LCORL: variants seen among roughly 807,000 people sequenced by gnomAD.
LCORL encodes ligand-dependent nuclear receptor corepressor-like protein.
In LCORL, 41 loss-of-function variants were observed where a neutral mutation model predicts 141.8. The ratio of observed to expected loss-of-function variants is 0.29; its 90% CI spans 0.23 to 0.38. The LOEUF (loss-of-function observed/expected upper bound fraction) is 0.38, where lower values mean the gene tolerates loss of function less well. LCORL is among the 10% of genes least tolerant of loss of function. The pLI is 1.00. For synonymous variants in LCORL, 618 were observed against 694.1 expected, an observed-to-expected ratio of 0.89 and a Z score of 1.72; for missense variants, 1,759 against 2,035.0, an observed-to-expected ratio of 0.86 and a Z score of 2.61.
At chr4:17,982,554 T>C (rs1401694883) in intron 1 of LCORL, among the ~76,000 whole-genome samples, 1 of 152,242 alleles carries the variant, frequency 6.6e-6, no homozygotes, top group Non-Finnish European at 1.5e-5. Flanking sequence ...CATATACTTG[T>C]TGGCTGCATG....
rs142675592 is a variant in LCORL at position 17,959,634 on chromosome 4, G to A, written c.430+2269C>T. 6.6e-4 allele frequency among the ~76,000 whole-genome samples: 100 copies of A among 152,132 alleles called. 1 individual carries two copies. Among genetic ancestry groups the A allele is most frequent in the African/African-American group, 2.3e-3 (96 of 41,520 alleles). ...ATTAGCACCATCTCAAAAAGCATAAGTTGGGAAAGACAATAAATTAGTTAC... is the reference window on the plus strand; with the variant it reads ...ATTAGCACCATCTCAAAAAGCATAAATTGGGAAAGACAATAAATTAGTTAC... On this transcript the variant is annotated intron_variant, in intron 4 of 7. Transcript: ENST00000635767.
intron 1 of LCORL, among the ~76,000 whole-genome samples, chr4:17,988,123 A>C (rs1719327127): frequency 2.6e-5 from 4 of 152,176 alleles, no homozygotes; most frequent in Admixed American, 2.6e-4. Flanking sequence ...GTTTCTCTGC[A>C]CTACCTCTCT....
chr4:17,943,579 T>C (rs549057660), intron 4 of LCORL, among the ~76,000 whole-genome samples: 1 of 152,254 alleles, frequency 6.6e-6, no homozygotes, highest in South Asian at 2.1e-4. Context: ...ACATTGCTTA[T>C]GTTGCTTTCA....
At chr4:17,853,903 T>A (rs1406473059) in intron 7 of LCORL, among the ~76,000 whole-genome samples, 1 of 152,052 alleles carries the variant, frequency 6.6e-6, no homozygotes, top group African/African-American at 2.4e-5. Context: ...TTAAAAAAAG[T>A]GATGGTATCT....
intron 4 of LCORL, chr4:17,911,975 C>T (rs1450147902): frequency 8.1e-6 from 5 of 619,996 alleles, no homozygotes; most frequent in Non-Finnish European, 1.5e-5. Flanking sequence ...TGCTTGGCCT[C>T]CTACCTGGAC....
At chr4:17,983,978 G>A (rs1260955744) in intron 1 of LCORL, among the ~76,000 whole-genome samples, 1 of 152,084 alleles carries the variant, frequency 6.6e-6, no homozygotes, top group African/African-American at 2.4e-5. Flanking sequence ...TTAGCATGAA[G>A]GGAAACTGAA....
intron 7 of LCORL, among the ~76,000 whole-genome samples, chr4:17,868,094 T>C (rs969969536): frequency 1.3e-5 from 2 of 152,184 alleles, no homozygotes; most frequent in Non-Finnish European, 2.9e-5. Flanking sequence ...TTTCCTTTTA[T>C]CTTGTGTTCA....
At chr4:17,901,055 G>A (rs1270696337) in intron 5 of LCORL, among the ~76,000 whole-genome samples, 5 of 151,804 alleles carry the variant, frequency 3.3e-5, no homozygotes, top group African/African-American at 1.2e-4. Flanking sequence ...AGACAGAAAT[G>A]TATTGTTCTT....
chr4:17,938,298 C>A (rs12511600), intron 4 of LCORL, among the ~76,000 whole-genome samples: 2 of 151,984 alleles, frequency 1.3e-5, no homozygotes, highest in Non-Finnish European at 2.9e-5. Flanking sequence ...TGAGCCACCA[C>A]GCACAGCCAT....
intron 7 of LCORL, among the ~76,000 whole-genome samples, chr4:17,855,275 A>C (rs1360524898): frequency 2.0e-5 from 3 of 152,172 alleles, no homozygotes; most frequent in African/African-American, 7.2e-5. Context: ...GTATTCAAAT[A>C]CCCAAGAAAT....
In LCORL at chr4:17,987,448, A is replaced by G. The variant is rs1198635090; in HGVS notation, c.155-14563T>C. On this transcript the variant is annotated intron_variant, in intron 1 of 7. Coordinates refer to ENST00000635767, the Ensembl canonical transcript of LCORL. ...CTGTTTGGATATACTACATTTGTTT[A>G]TTGATTTGCTAGCTAATGAAACTTT... is the stretch of plus-strand genomic sequence containing the variant. Among the ~76,000 whole-genome samples the G allele has an allele frequency of 2.0e-5, 3 of 152,056 alleles. No individual in the cohort carries two copies. The East Asian group carries it at 5.8e-4, about 29-fold the overall frequency.
chr4:17,952,821 C>T (rs926884588), intron 4 of LCORL, among the ~76,000 whole-genome samples: 37 of 152,162 alleles, frequency 2.4e-4, no homozygotes, highest in Non-Finnish European at 1.0e-4. Context: ...ACCATTTCAA[C>T]ACTCATGTAC....
chr4:17,911,899 G>A lies in LCORL; in HGVS notation c.431-2554C>T, dbSNP rs1732610635. 6 of 496,372 alleles carry A rather than the reference G, an allele frequency of 1.2e-5. 1 individual carries two copies. In the East Asian group the frequency reaches 1.4e-4, roughly 11 times the overall value. The allele number at this position is 496,372 out of a possible 1,614,324, so 30.7% of individuals were successfully genotyped here. A position where few individuals can be genotyped will look rare whatever the true frequency, so the allele number is the denominator to read the frequency against. On this transcript the variant is annotated intron_variant, in intron 4 of 7. Coordinates refer to ENST00000635767, the Ensembl canonical transcript of LCORL. ...GGCCGGGGGTCTGGCAGGAAAGGGA[G>A]GCATCCAGAACGAGGAGGAGACCAT...
chr4:17,970,315 T>C (rs2109654012), intron 2 of LCORL, among the ~76,000 whole-genome samples: 1 of 152,306 alleles, frequency 6.6e-6, no homozygotes, highest in South Asian at 2.1e-4. Context: ...TGTTCTCTCC[T>C]TGTGCTCTAC....
chr4:18,021,752 C>T lies in LCORL; in HGVS notation c.-1G>A, dbSNP rs775947403. The T allele has an allele frequency of 6.7e-6, 10 of 1,493,354 alleles. No homozygotes were observed. In the South Asian group the frequency reaches 7.9e-5, roughly 12 times the overall value. The allele number at this position is 1,493,354 out of a possible 1,614,324, so 92.5% of individuals were successfully genotyped here. A position where few individuals can be genotyped will look rare whatever the true frequency, so the allele number is the denominator to read the frequency against. On this transcript the variant is annotated 5_prime_UTR_variant, in exon 1 of 8. Transcript: ENST00000635767. The surrounding 1 kb of genome is among the most constrained non-coding windows in gnomAD (Gnocchi z 5.5). ...CCATTCTCTCTCTTCCCTTGTCCAT[C>T]TGCGTCCCGCGTCACGCGCCCTCAT...
chr4:18,021,100 G>C lies in LCORL; in HGVS notation c.154+498C>G, dbSNP rs1714318866. Among the ~76,000 whole-genome samples the C allele has an allele frequency of 6.6e-6, 1 of 152,068 alleles. No homozygotes were observed. Among genetic ancestry groups the C allele is most frequent in the Admixed American group, 6.5e-5 (1 of 15,270 alleles). On this transcript the variant is annotated intron_variant, in intron 1 of 7. Transcript: ENST00000635767. This position sits in a 1 kb window ranked among gnomAD's most constrained non-coding sequence, Gnocchi z 5.5. ...TGGGTCTCCAGGTCCAGGTCCCCGG[G>C]AACTGGCCGCGTCTGCTCACCCGGC...
chr4:18,000,964 AAAG>A (rs1721853573), intron 1 of LCORL, among the ~76,000 whole-genome samples: 1 of 152,376 alleles, frequency 6.6e-6, no homozygotes, highest in South Asian at 2.1e-4. Context: ...TGTAATCCAG[AAAG>A]AAAACAAATA....
At chr4:18,001,821 T>C (rs1356008106) in intron 1 of LCORL, among the ~76,000 whole-genome samples, 1 of 152,188 alleles carries the variant, frequency 6.6e-6, no homozygotes, top group African/African-American at 2.4e-5. Flanking sequence ...TCTACACAAA[T>C]GGTAACAGGT....
chr4:17,842,886 G>T, exon 8 of LCORL: 1 of 162,234 alleles, frequency 6.2e-6, no homozygotes, highest in Non-Finnish European at 1.4e-5. Context: ...GATTAAATTT[G>T]TCTTTTTTGG....
Sources: gnomAD v4.1 joint callset for allele counts (sites outside exome capture counted in the v4.1 genomes callset) on GRCh38, gnomAD v4.1.1 for gene constraint, Gnocchi (gnomAD v3.1) non-coding constraint, MANE v1.5 for transcripts, NCBI Gene and HGNC (gene_info 2026-07-23, HGNC 2026-07-21) for gene names.